Variants in DET1 observed in about 807,000 individuals in gnomAD.
DET1 encodes the protein DET1 partner of COP1 E3 ubiquitin ligase, also known as DET1 homolog.
Under a neutral mutation model 43.7 loss-of-function variants are expected in DET1, and 22 were observed. The ratio of observed to expected loss-of-function variants is 0.50; its 90% CI spans 0.36 to 0.72. DET1 has a LOEUF of 0.72. Ranked by LOEUF, DET1 falls within the 30% of genes least tolerant of loss-of-function variation. The probability of loss-of-function intolerance (pLI) is 0.00; values close to 1 mark genes in which losing one functional copy is unlikely to be tolerated. For synonymous variants in DET1, 315 were observed against 266.2 expected (o/e 1.18, Z -1.79); for missense variants, 713 against 713.3 (o/e 1.00, Z 0.00).
intron 1 of DET1, chr15:88,536,289 C>A: frequency 1.3e-6 from 1 of 772,398 alleles, no homozygotes; most frequent in South Asian, 1.4e-5. Flanking sequence ...GTCTTTATCT[C>A]TTCCTGAAAT....
intron 4 of DET1, 93 bp from the exon 5 acceptor site, chr15:88,513,233 T>C (rs2056241983): frequency 7.6e-7 from 1 of 1,319,916 alleles, no homozygotes. Flanking sequence ...ATGTGGCAAC[T>C]CATTATTTTA....
At chr15:88,509,012 A>C (rs1209434809), downstream of DET1, among the ~76,000 whole-genome samples, 1 of 152,314 alleles carries the variant, frequency 6.6e-6, no homozygotes. Context: ...CTTTTAGAGA[A>C]GCAGGGATTA....
chr15:88,542,905 T>A (rs987871949), intron 1 of DET1, among the ~76,000 whole-genome samples: 1 of 152,048 alleles, frequency 6.6e-6, no homozygotes, highest in African/African-American at 2.4e-5. Context: ...ACAAGAAAAG[T>A]CAGAAAACAA....
chr15:88,505,527 A>T (rs936754229), intron 7 of DET1: 3 of 152,232 alleles, frequency 2.0e-5, no homozygotes, highest in African/African-American at 7.2e-5. Flanking sequence ...TTTTGAAGGC[A>T]TCTTAAAAAG....
intron 2 of DET1, among the ~76,000 whole-genome samples, chr15:88,529,655 T>C (rs1188676855): frequency 1.3e-5 from 2 of 152,228 alleles, no homozygotes; most frequent in Non-Finnish European, 2.9e-5. Context: ...TACAGGTCAA[T>C]AAGAGATACC....
At chr15:88,521,689 C>T (rs2056493739) in intron 3 of DET1, among the ~76,000 whole-genome samples, 1 of 152,026 alleles carries the variant, frequency 6.6e-6, no homozygotes, top group African/African-American at 2.4e-5. Context: ...GCAAATCACC[C>T]TTTTCATAGA....
chr15:88,513,842 C>T (rs1333637390), intron 4 of DET1, among the ~76,000 whole-genome samples: 37 of 138,522 alleles, frequency 2.7e-4, no homozygotes, highest in Non-Finnish European at 5.5e-4. Context: ...CTCTGTCGCC[C>T]AGGCTGGAGT....
Position 88,536,217 on chromosome 15 carries a change from T to C in DET1, c.-10-4502A>G, listed in dbSNP as rs1598344400. On this transcript the variant is annotated intron_variant, in intron 1 of 4. Coordinates refer to ENST00000268148, the MANE Select transcript of DET1 (RefSeq NM_001144074.3). ...AGCTAAAATAGTACCTCCTCAGAAA[T>C]CTTCCCCAGGCACCTTACGTCTGCC... 4 of 684,892 alleles carry C rather than the reference T, an allele frequency of 5.8e-6. No homozygotes were observed. In the East Asian group the frequency reaches 8.2e-5, roughly 14 times the overall value. The allele number at this position is 684,892 out of a possible 1,614,324, so 42.4% of individuals were successfully genotyped here. A position where few individuals can be genotyped will look rare whatever the true frequency, so the allele number is the denominator to read the frequency against.
At chr15:88,536,061 G>A (rs2056940648) in intron 1 of DET1, among the ~76,000 whole-genome samples, 2 of 152,108 alleles carry the variant, frequency 1.3e-5, no homozygotes, top group East Asian at 1.9e-4. Context: ...TAGAAACCAC[G>A]TATCACCTAT....
intron 3 of DET1, among the ~76,000 whole-genome samples, chr15:88,523,931 G>A (rs868685430): frequency 2.7e-5 from 4 of 147,102 alleles, no homozygotes; most frequent in Admixed American, 6.8e-5. Context: ...CCCTCTGCCC[G>A]GCTGCCCAGT....
rs1025717760 is a variant in DET1, at chr15:88,519,950, G to A, written c.1272-2977C>T. On this transcript the variant is annotated intron_variant, in intron 3 of 4. Transcript: ENST00000268148. The stretch of plus-strand genomic sequence containing the variant: ...CCTCCATGCTCACTCTTAGCCAATG[G>A]CATCGCTTACTTTGTTACTAACAAA... Among the ~76,000 whole-genome samples, 4 of 152,020 alleles carry A rather than the reference G, an allele frequency of 2.6e-5. 1 individual carries two copies. Among genetic ancestry groups the A allele is most frequent in the Non-Finnish European group, 5.9e-5 (4 of 68,024 alleles).
Position 88,513,622 on chromosome 15 carries a change from GTTTTTTTTTTT to G in DET1, c.1464-493_1464-483del, listed in dbSNP as rs34991328. On this transcript the variant is annotated intron_variant, in intron 4 of 4. Transcript: ENST00000268148. ...ATAATCAATATCAAACTATTAGTGAGTTTTTTTTTTTTTTTTTTTGGAAATCTGTTATGTAT... is the reference window on the plus strand; with the variant it reads ...ATAATCAATATCAAACTATTAGTGAGTTTTTTTTGGAAATCTGTTATGTAT... Among the ~76,000 whole-genome samples, 191 of 115,388 alleles carry G rather than the reference GTTTTTTTTTTT, an allele frequency of 1.7e-3. 3 individuals are homozygous for G. Among genetic ancestry groups the G allele is most frequent in the African/African-American group, 5.8e-3 (181 of 31,082 alleles). 75.7% of individuals were successfully genotyped at this position (115,388 alleles called of 152,430 possible).
At position 88,525,810 on chromosome 15, in the gene DET1, C is replaced by T. The variant is rs184012762; in HGVS notation, c.1271+1789G>A. Among the ~76,000 whole-genome samples the T allele has an allele frequency of 5.5e-3, 822 of 150,430 alleles. 19 individuals are homozygous for T. Among genetic ancestry groups the T allele is most frequent in the Middle Eastern group, 0.035 (10 of 288 alleles). ...CCTAGTAGCTGGGACTACAGGCATGCACCACCACACTCGGCTATTTTTTTT... is the reference window on the plus strand; with the variant it reads ...CCTAGTAGCTGGGACTACAGGCATGTACCACCACACTCGGCTATTTTTTTT... On this transcript the variant is annotated intron_variant, in intron 3 of 4. Transcript: ENST00000268148.
intron 1 of DET1, among the ~76,000 whole-genome samples, chr15:88,533,259 A>G (rs1399174486): frequency 6.6e-6 from 1 of 152,170 alleles, no homozygotes; most frequent in African/African-American, 2.4e-5. Flanking sequence ...CATTAGAACG[A>G]CTGCTTTTTT....
At chr15:88,510,668 A>C (rs1236765960), downstream of DET1, among the ~76,000 whole-genome samples, 1 of 152,156 alleles carries the variant, frequency 6.6e-6, no homozygotes, top group Admixed American at 6.5e-5. Flanking sequence ...ACCCGTCATC[A>C]GATATCTTCA....
At chr15:88,529,468 T>C (rs192411413) in intron 2 of DET1, among the ~76,000 whole-genome samples, 2 of 152,274 alleles carry the variant, frequency 1.3e-5, no homozygotes, top group Admixed American at 1.3e-4. Context: ...TCATCATTGA[T>C]AGGGAAGAAA....
downstream of DET1, among the ~76,000 whole-genome samples, chr15:88,509,088 T>G (rs1030568372): frequency 6.6e-6 from 1 of 152,182 alleles, no homozygotes; most frequent in African/African-American, 2.4e-5. Flanking sequence ...GCTAACATGG[T>G]AAAGAAAGGC....
At chr15:88,540,483 A>G (rs536471559) in intron 1 of DET1, among the ~76,000 whole-genome samples, 2 of 151,382 alleles carry the variant, frequency 1.3e-5, no homozygotes, top group South Asian at 4.2e-4. Flanking sequence ...AAAAAATGGG[A>G]AACACTTCCT....
chr15:88,541,914 C>T (rs527547071), intron 1 of DET1, among the ~76,000 whole-genome samples: 4 of 152,322 alleles, frequency 2.6e-5, no homozygotes, highest in African/African-American at 9.6e-5. Context: ...GCCCAATTGC[C>T]TCCCGGCTGT....
Sources: gnomAD v4.1 joint callset for allele counts (sites outside exome capture counted in the v4.1 genomes callset) on GRCh38, gnomAD v4.1.1 for gene constraint, MANE v1.5 for transcripts, NCBI Gene and HGNC (gene_info 2026-07-23, HGNC 2026-07-21) for gene names.